COPS3: variants seen among roughly 807,000 people sequenced by gnomAD.
The protein encoded by COPS3 is COP9 signalosome complex subunit 3.
COPS3 carries 10 observed loss-of-function variants against 58.2 expected under a neutral mutation model. The observed-to-expected ratio is 0.17, with a 90% CI of 0.11 to 0.29. The LOEUF is 0.29. Among genes scored for constraint, COPS3 ranks in the 10% least tolerant of loss-of-function variants. COPS3 has a pLI of 1.00. For missense variants in COPS3, 333 were observed against 510.1 expected, an observed-to-expected ratio of 0.65 and a Z score of 3.34; for synonymous variants, 187 against 181.7, an observed-to-expected ratio of 1.03 and a Z score of -0.24.
At chr17:17,273,352 C>G (rs569934003) in intron 2 of COPS3, among the ~76,000 whole-genome samples, 49 of 152,278 alleles carry the variant, frequency 3.2e-4, no homozygotes, top group African/African-American at 1.2e-3. Context: ...GGTCACATGT[C>G]CTTGTCTTAG....
Position 17,248,941 on chromosome 17 carries a change from A to G in COPS3, c.1122T>C (p.His374=). The G allele has an allele frequency of 1.3e-6, 2 of 1,598,146 alleles. No homozygotes were observed. The highest frequency in any genetic ancestry group is 8.5e-7 in the Non-Finnish European group (1 of 1,170,494). The change falls in exon 10 of 12, where the codon CAT becomes CAC. Residue 374 remains histidine (H), a synonymous_variant. Coordinates refer to ENST00000268717, the MANE Select transcript of COPS3 (RefSeq NM_003653.4). ...TCATGTTTACCTCCTGATCAATGTT[A>G]TGAAGCATGGCTGGGTTATTATATT... ...PEKYNNPAML[H]NIDQEMLKCI...
rs368885985 is a variant in COPS3, at chr17:17,248,908, C to T, written c.1137+18G>A. ...CAACCATCAATTAAAAAAATAAAAA[C>T]CTGGCATTCATGTTTACCTCCTGAT... On this transcript the variant is annotated intron_variant, in intron 10 of 11. Coordinates refer to ENST00000268717, the MANE Select transcript of COPS3 (RefSeq NM_003653.4). The T allele has an allele frequency of 5.7e-6, 8 of 1,410,930 alleles. No individual in the cohort carries two copies. Among genetic ancestry groups the T allele is most frequent in the Non-Finnish European group, 7.8e-6 (8 of 1,023,198 alleles). The allele number at this position is 1,410,930 out of a possible 1,614,324, so 87.4% of individuals were successfully genotyped here.
intron 9 of COPS3, among the ~76,000 whole-genome samples, chr17:17,253,901 G>A (rs893405549): frequency 6.6e-6 from 1 of 152,172 alleles, no homozygotes; most frequent in African/African-American, 2.4e-5. Context: ...TGAGACAGGA[G>A]AATTGTTTGA....
chr17:17,281,190 T>A lies in COPS3; in HGVS notation c.-4A>T. 1 of 1,609,894 alleles carries A rather than the reference T, an allele frequency of 6.2e-7. No homozygotes were observed. Among genetic ancestry groups the A allele is most frequent in the Non-Finnish European group, 8.5e-7 (1 of 1,178,422 alleles). ...ACTGCTCCAGGGCAGACGCCATGTTTTCCCCCGGGCGGCCCGAGCGGCGAA... is the reference window on the plus strand; with the variant it reads ...ACTGCTCCAGGGCAGACGCCATGTTATCCCCCGGGCGGCCCGAGCGGCGAA... On this transcript the variant is annotated 5_prime_UTR_variant, in exon 1 of 12. Transcript: ENST00000268717.
chr17:17,247,878 A>C lies in COPS3; in HGVS notation c.1138-318T>G, dbSNP rs191149418. ...CATTTCAGGTGACATTTTGCCATTA[A>C]ATTAATTACAAAAAAACATAGTTTT... On this transcript the variant is annotated intron_variant, in intron 10 of 11. Coordinates refer to ENST00000268717, the MANE Select transcript of COPS3 (RefSeq NM_003653.4). The C allele has an allele frequency of 7.7e-4, 174 of 225,472 alleles. 2 individuals are homozygous for C. Among genetic ancestry groups the C allele is most frequent in the African/African-American group, 3.2e-3 (140 of 44,252 alleles). The allele number at this position is 225,472 out of a possible 1,614,324, so 14.0% of individuals were successfully genotyped here.
At chr17:17,264,753 T>C (rs1485995641) in intron 6 of COPS3, 49 bp downstream of exon 6, 1 of 1,532,814 alleles carries the variant, frequency 6.5e-7, no homozygotes, top group Non-Finnish European at 8.8e-7. Flanking sequence ...GAGCACTTTT[T>C]TGATCACACA....
intron 9 of COPS3, among the ~76,000 whole-genome samples, chr17:17,252,521 T>TGTG (rs2047873225): frequency 6.6e-6 from 1 of 151,270 alleles, no homozygotes; most frequent in Non-Finnish European, 1.5e-5. Flanking sequence ...TAGACGCCAG[T>TGTG]AGCACCCCCA....
chr17:17,270,813 T>A lies in COPS3; in HGVS notation c.299-6A>T. On this transcript the variant is annotated splice_polypyrimidine_tract_variant and splice_region_variant and intron_variant, in intron 3 of 11. Transcript: ENST00000268717. ...CTGATGGCAAAGCCCAGCAACTAGA[T>A]ACAATAACAAAATATTCAAAATATA... 1 of 1,600,608 alleles carries A rather than the reference T, an allele frequency of 6.2e-7. No individual in the cohort carries two copies. Among genetic ancestry groups the A allele is most frequent in the Non-Finnish European group, 8.5e-7 (1 of 1,172,614 alleles).
At chr17:17,265,544 G>A (rs909044504) in intron 5 of COPS3, among the ~76,000 whole-genome samples, 2 of 151,862 alleles carry the variant, frequency 1.3e-5, no homozygotes, top group African/African-American at 4.8e-5. Context: ...GATTACAGGC[G>A]TGCACCACCA....
intron 7 of COPS3, chr17:17,261,694 T>C: frequency 2.3e-6 from 1 of 430,388 alleles, no homozygotes; most frequent in Middle Eastern, 3.3e-4. Flanking sequence ...ACTCTGTCTC[T>C]AGGGAAAAAA....
chr17:17,253,605 A>G (rs2047897849), intron 9 of COPS3, among the ~76,000 whole-genome samples: 1 of 151,980 alleles, frequency 6.6e-6, no homozygotes, highest in South Asian at 2.1e-4. Context: ...ATGGACCAAA[A>G]CCCTCAGTGA....
intron 1 of COPS3, chr17:17,280,824 C>T (rs942728174): frequency 1.6e-6 from 2 of 1,243,636 alleles, no homozygotes; most frequent in African/African-American, 3.1e-5. Flanking sequence ...GAGATGGCTC[C>T]TGGCGGAAGT....
intron 1 of COPS3, among the ~76,000 whole-genome samples, chr17:17,279,455 G>A (rs1392554390): frequency 6.6e-6 from 1 of 152,146 alleles, no homozygotes; most frequent in East Asian, 1.9e-4. Flanking sequence ...TAACAAACCA[G>A]TGGTTCCTTT....
intron 1 of COPS3, chr17:17,280,563 T>C: frequency 3.2e-6 from 4 of 1,265,222 alleles, no homozygotes; most frequent in Non-Finnish European, 4.1e-6. Flanking sequence ...GAAGAAGAAA[T>C]GGAGTCCTAC....
chr17:17,256,733 G>A (rs1428059265), intron 8 of COPS3, among the ~76,000 whole-genome samples: 1 of 152,114 alleles, frequency 6.6e-6, no homozygotes. Context: ...CTACAGGTGT[G>A]CACCACTGTG....
At chr17:17,273,786 A>G (rs540991842) in intron 2 of COPS3, among the ~76,000 whole-genome samples, 1 of 152,328 alleles carries the variant, frequency 6.6e-6, no homozygotes, top group South Asian at 2.1e-4. Context: ...CATGAGATTG[A>G]AGCTGCAGTG....
intron 4 of COPS3, among the ~76,000 whole-genome samples, chr17:17,268,226 T>C (rs576918973): frequency 6.6e-6 from 1 of 152,318 alleles, no homozygotes; most frequent in Non-Finnish European, 1.5e-5. Flanking sequence ...ATTTTTACAA[T>C]GAAGATCAAT....
At chr17:17,274,673 T>C (rs1312999137) in intron 2 of COPS3, among the ~76,000 whole-genome samples, 2 of 152,220 alleles carry the variant, frequency 1.3e-5, no homozygotes, top group African/African-American at 2.4e-5. Context: ...TCCACCCGCC[T>C]TGGCCTCCCA....
At chr17:17,281,056 G>A (rs2048574882) in intron 1 of COPS3, 76 bp downstream of exon 1, 4 of 1,499,384 alleles carry the variant, frequency 2.7e-6, no homozygotes, top group Admixed American at 3.9e-5. Context: ...TGTTCCAGCC[G>A]TCCGTGCTGG....
Sources: gnomAD v4.1 joint callset for allele counts (sites outside exome capture counted in the v4.1 genomes callset) on GRCh38, gnomAD v4.1.1 for gene constraint, MANE v1.5 for transcripts, NCBI Gene and HGNC (gene_info 2026-07-23, HGNC 2026-07-21) for gene names.